The following DCAF17 variants were observed in gnomAD, a reference collection of about 807,000 sequenced individuals.
The protein encoded by DCAF17 is DDB1 and CUL4 associated factor 17, also known as DDB1- and CUL4-associated factor 17.
A neutral mutation model predicts 66.0 loss-of-function variants in DCAF17; 48 were observed. The observed-to-expected ratio is 0.73, with a 90% CI of 0.58 to 0.92. The LOEUF (loss-of-function observed/expected upper bound fraction) is 0.92, where lower values mean the gene tolerates loss of function less well. DCAF17 is among the 40% of genes least tolerant of loss of function. The pLI, the probability that DCAF17 is intolerant of heterozygous loss-of-function variation, is 0.00. For synonymous variants in DCAF17, 206 were observed against 214.6 expected (o/e 0.96, Z 0.35); for missense variants, 562 against 622.8 (o/e 0.90, Z 1.04).
At chr2:171,475,267 T>TAG (rs1246010483) in intron 10 of DCAF17, among the ~76,000 whole-genome samples, 1 of 152,214 alleles carries the variant, frequency 6.6e-6, no homozygotes, top group East Asian at 1.9e-4. Context: ...TTGCCCATCA[T>TAG]ATTTTCATTG....
chr2:171,477,376 C>G, intron 11 of DCAF17, among the ~76,000 whole-genome samples: 1 of 152,126 alleles, frequency 6.6e-6, no homozygotes. Context: ...AAAAACAGAT[C>G]CACTTTTTAT....
At position 171,481,720 on chromosome 2, in the gene DCAF17, T is replaced by C. The variant is rs1207799285; in HGVS notation, c.*606T>C. On this transcript the variant is annotated 3_prime_UTR_variant, in exon 14 of 14. Coordinates refer to ENST00000375255, the MANE Select transcript of DCAF17 (RefSeq NM_025000.4). ...TAGTTCCCAAATTATCTTTTCTTCC[T>C]TGGTTTTGTTCTCTTGGCTTGATGT... The C allele has an allele frequency of 4.4e-6, 2 of 453,792 alleles. No homozygotes were observed. Among genetic ancestry groups the C allele is most frequent in the Non-Finnish European group, 8.8e-6 (2 of 226,720 alleles). The allele number at this position is 453,792 out of a possible 1,614,324, so 28.1% of individuals were successfully genotyped here.
At chr2:171,477,888 G>T (rs1474014005) in intron 11 of DCAF17, 99 bp from the exon 12 acceptor site, 10 of 905,316 alleles carry the variant, frequency 1.1e-5, no homozygotes, top group Non-Finnish European at 1.6e-5. Flanking sequence ...GGATGTGGGA[G>T]AAGGGTTGGT....
At chr2:171,467,020 C>A (rs1424149945) in intron 8 of DCAF17, among the ~76,000 whole-genome samples, 2 of 151,518 alleles carry the variant, frequency 1.3e-5, no homozygotes, top group African/African-American at 4.8e-5. Flanking sequence ...AAGATACTAC[C>A]CTTTTCTTAA....
intron 10 of DCAF17, chr2:171,474,182 G>T (rs1486639957): frequency 1.7e-6 from 1 of 572,784 alleles, no homozygotes; most frequent in African/African-American, 1.9e-5. Flanking sequence ...ATTTGAAAAC[G>T]TTATTTGATG....
chr2:171,464,313 C>T (rs1375429456), intron 8 of DCAF17, among the ~76,000 whole-genome samples: 3 of 152,160 alleles, frequency 2.0e-5, no homozygotes, highest in Non-Finnish European at 4.4e-5. Context: ...AAGGTGTTGG[C>T]AGAGGTAGCC....
intron 10 of DCAF17, 133 bp from the exon 11 acceptor site, chr2:171,476,727 G>A (rs1696513779): frequency 1.0e-5 from 7 of 673,184 alleles, no homozygotes; most frequent in Non-Finnish European, 1.1e-5. Flanking sequence ...TATTAGTATT[G>A]TAGACTAATC....
intron 12 of DCAF17, among the ~76,000 whole-genome samples, chr2:171,478,459 A>C (rs1024427992): frequency 6.6e-6 from 1 of 152,132 alleles, no homozygotes; most frequent in Admixed American, 6.5e-5. Flanking sequence ...GCTAGACTTG[A>C]ATATGTTTGT....
At chr2:171,456,316 G>A (rs1008014428) in intron 6 of DCAF17, among the ~76,000 whole-genome samples, 14 of 152,080 alleles carry the variant, frequency 9.2e-5, no homozygotes, top group African/African-American at 3.4e-4. Context: ...ATAGTTACAG[G>A]TGTGCAGTCT....
At chr2:171,458,557 A>G in intron 8 of DCAF17, 80 bp downstream of exon 8, 1 of 1,108,662 alleles carries the variant, frequency 9.0e-7, no homozygotes, top group Non-Finnish European at 1.3e-6. Flanking sequence ...AGTCATCCAA[A>G]TGTTTTTCTC....
At chr2:171,450,173 G>C in intron 5 of DCAF17, 1 of 485,762 alleles carries the variant, frequency 2.1e-6, no homozygotes, top group Non-Finnish European at 3.8e-6. Flanking sequence ...ATAAGTGAGA[G>C]CTAAGCCTTG....
chr2:171,449,158 A>C (rs1316709541), intron 4 of DCAF17, among the ~76,000 whole-genome samples: 1 of 151,892 alleles, frequency 6.6e-6, no homozygotes, highest in Non-Finnish European at 1.5e-5. Context: ...TTGGGTGTGC[A>C]CCCCATGCCC....
intron 2 of DCAF17, among the ~76,000 whole-genome samples, chr2:171,442,661 C>T (rs1298284780): frequency 6.6e-6 from 1 of 151,640 alleles, no homozygotes; most frequent in African/African-American, 2.4e-5. Context: ...AGGTGGATTA[C>T]TTGAGTCCAG....
At chr2:171,465,759 A>G (rs558253684) in intron 8 of DCAF17, among the ~76,000 whole-genome samples, 99 of 152,294 alleles carry the variant, frequency 6.5e-4, no homozygotes, top group Middle Eastern at 6.8e-3. Flanking sequence ...TGCTGGGATT[A>G]CAGACATGGG....
Position 171,484,459 on chromosome 2 carries a change from T to C in DCAF17, c.*3345T>C, listed in dbSNP as rs952313198. Reference sequence around the variant, plus strand: ...ATTCTACATCTTACTCTACTTGTTTTATTATTTTCCTATCCAGCGTACTTT... The same window carrying C: ...ATTCTACATCTTACTCTACTTGTTTCATTATTTTCCTATCCAGCGTACTTT... On this transcript the variant is annotated 3_prime_UTR_variant, in exon 14 of 14. Coordinates refer to ENST00000375255, the MANE Select transcript of DCAF17 (RefSeq NM_025000.4). The C allele has an allele frequency of 2.1e-5, 9 of 430,808 alleles. No homozygotes were observed. In the Admixed American group the frequency reaches 2.1e-4, roughly 10 times the overall value. The allele number at this position is 430,808 out of a possible 1,614,324, so 26.7% of individuals were successfully genotyped here.
intron 2 of DCAF17, among the ~76,000 whole-genome samples, chr2:171,436,578 A>G (rs1240025953): frequency 2.0e-5 from 3 of 150,568 alleles, no homozygotes; most frequent in African/African-American, 7.3e-5. Context: ...CATATTAGCC[A>G]TTTGTATGTT....
At chr2:171,441,855 C>T (rs1694322230) in intron 2 of DCAF17, among the ~76,000 whole-genome samples, 1 of 152,196 alleles carries the variant, frequency 6.6e-6, no homozygotes, top group Non-Finnish European at 1.5e-5. Context: ...ATGATTTTCA[C>T]CAGTTTTGCC....
chr2:171,483,516 A>G lies in DCAF17; in HGVS notation c.*2402A>G. On this transcript the variant is annotated 3_prime_UTR_variant, in exon 14 of 14. Coordinates refer to ENST00000375255, the MANE Select transcript of DCAF17 (RefSeq NM_025000.4). The stretch of plus-strand genomic sequence containing the variant: ...TCAATTTTTTACAATATTTATCACA[A>G]CTCTGGGAGAAAACAAAACAAATCC... The G allele has an allele frequency of 2.2e-6, 1 of 454,036 alleles. No individual in the cohort carries two copies. Among genetic ancestry groups the G allele is most frequent in the South Asian group, 1.6e-5 (1 of 64,472 alleles). The allele number at this position is 454,036 out of a possible 1,614,324, so 28.1% of individuals were successfully genotyped here.
chr2:171,474,278 G>A, intron 10 of DCAF17: 1 of 368,258 alleles, frequency 2.7e-6, no homozygotes, highest in Non-Finnish European at 5.1e-6. Flanking sequence ...AGAAAGAAGA[G>A]TATTTGTCTT....
Sources: allele counts gnomAD v4.1 joint callset (sites outside exome capture counted in the v4.1 genomes callset), GRCh38; gene constraint gnomAD v4.1.1; transcripts MANE v1.5; gene names NCBI Gene and HGNC (gene_info 2026-07-23, HGNC 2026-07-21).